The following ARHGAP35 variants were observed in gnomAD, a reference collection of about 807,000 sequenced individuals.
ARHGAP35 encodes Rho GTPase activating protein 35.
A neutral mutation model predicts 111.1 loss-of-function variants in ARHGAP35; 15 were observed. The ratio of observed to expected loss-of-function variants is 0.13; its 90% CI spans 0.09 to 0.21. ARHGAP35 has a LOEUF of 0.21. Among genes scored for constraint, ARHGAP35 ranks in the 10% least tolerant of loss-of-function variants. ARHGAP35 has a pLI of 1.00. For missense variants in ARHGAP35, 1,262 were observed against 1,873.0 expected (o/e 0.67, Z 6.02); for synonymous variants, 643 against 710.3 (o/e 0.91, Z 1.51).
chr19:46,890,315 C>T (rs1039550951), intron 1 of ARHGAP35, among the ~76,000 whole-genome samples: 21 of 152,122 alleles, frequency 1.4e-4, no homozygotes, highest in African/African-American at 4.8e-4. Flanking sequence ...TCTTTTCTGT[C>T]ATTGTTTAGT....
At chr19:46,870,015 C>G (rs557998898) in intron 1 of ARHGAP35, among the ~76,000 whole-genome samples, 8 of 148,014 alleles carry the variant, frequency 5.4e-5, no homozygotes, top group Non-Finnish European at 1.2e-4. Context: ...GGCGCCATCT[C>G]GACTCACTGC....
intron 3 of ARHGAP35, among the ~76,000 whole-genome samples, chr19:46,937,670 G>T (rs190707364): frequency 8.7e-4 from 133 of 152,350 alleles, no homozygotes; most frequent in African/African-American, 3.1e-3. Flanking sequence ...GGCTGCTTGG[G>T]CGCTTTCTCT....
intron 3 of ARHGAP35, among the ~76,000 whole-genome samples, chr19:46,961,698 G>A (rs570224537): frequency 6.6e-6 from 1 of 152,192 alleles, no homozygotes; most frequent in Non-Finnish European, 1.5e-5. Context: ...AGGAGGCCGA[G>A]GCAGGTGGAT....
In ARHGAP35 at chr19:46,989,569, A is replaced by G. The variant is rs2122340653; in HGVS notation, c.3930A>G (p.Lys1310=). The G allele has an allele frequency of 6.2e-7, 1 of 1,613,980 alleles. No individual in the cohort carries two copies. Among genetic ancestry groups the G allele is most frequent in the South Asian group, 1.1e-5 (1 of 91,078 alleles). Residue 1310 remains lysine (K), a synonymous_variant, in exon 5 of 7, where the codon AAA becomes AAG. Transcript: ENST00000672722. This position sits in a 1 kb window ranked among gnomAD's most constrained non-coding sequence, Gnocchi z 5.3. The part of the protein sequence containing the change: ...DQDHNLDLAE[K]DFTVNTVAGA... Reference sequence around the variant, plus strand: ...ACCACAACCTGGACCTGGCAGAGAAAGACTTTACGGTGAATACCGTGGCTG... The same window carrying G: ...ACCACAACCTGGACCTGGCAGAGAAGGACTTTACGGTGAATACCGTGGCTG...
chr19:46,995,605 T>TCTGGAG (rs776947108), intron 5 of ARHGAP35, among the ~76,000 whole-genome samples: 4 of 152,200 alleles, frequency 2.6e-5, no homozygotes, highest in Non-Finnish European at 5.9e-5. Context: ...TCTCTTGGCC[T>TCTGGAG]CTGGAGTGGG....
chr19:46,980,417 T>C (rs911111782), intron 3 of ARHGAP35, among the ~76,000 whole-genome samples: 2 of 152,150 alleles, frequency 1.3e-5, no homozygotes, highest in African/African-American at 2.4e-5. Context: ...TACAGCATCT[T>C]GACAGACTCA....
chr19:46,968,244 C>T (rs2056526310), intron 3 of ARHGAP35, among the ~76,000 whole-genome samples: 1 of 152,234 alleles, frequency 6.6e-6, no homozygotes, highest in Non-Finnish European at 1.5e-5. Flanking sequence ...GTGGCAGTAT[C>T]TGGGCAGGAG....
intron 1 of ARHGAP35, among the ~76,000 whole-genome samples, chr19:46,888,309 TATATATATAA>T (rs1446587231): frequency 1.5e-4 from 9 of 58,192 alleles, no homozygotes; most frequent in African/African-American, 4.2e-4. Flanking sequence ...TATATATATA[TATATATATAA>T]AATATTGATT....
At chr19:46,868,840 T>TA (rs1247749924) in intron 1 of ARHGAP35, among the ~76,000 whole-genome samples, 1 of 146,856 alleles carries the variant, frequency 6.8e-6, no homozygotes, top group African/African-American at 2.5e-5. Context: ...AAAAGAAACA[T>TA]ACAGATAGAA....
intron 2 of ARHGAP35, among the ~76,000 whole-genome samples, chr19:46,936,869 T>C (rs2056311213): frequency 6.7e-6 from 1 of 150,274 alleles, no homozygotes; most frequent in African/African-American, 2.5e-5. Flanking sequence ...TTTTTGAGTC[T>C]TACTCTGTCA....
chr19:46,968,592 G>A (rs2056528056), intron 3 of ARHGAP35, among the ~76,000 whole-genome samples: 1 of 152,226 alleles, frequency 6.6e-6, no homozygotes, highest in South Asian at 2.1e-4. Flanking sequence ...CCACTGATGA[G>A]TGAATGGATA....
intron 3 of ARHGAP35, among the ~76,000 whole-genome samples, chr19:46,958,171 C>T (rs375406539): frequency 1.3e-5 from 2 of 152,294 alleles, no homozygotes; most frequent in African/African-American, 4.8e-5. Context: ...ATCACGAGGT[C>T]AGGAGATCGA....
At chr19:46,912,061 G>A (rs938841871) in intron 1 of ARHGAP35, among the ~76,000 whole-genome samples, 1 of 81,324 alleles carries the variant, frequency 1.2e-5, no homozygotes, top group African/African-American at 4.7e-5. Flanking sequence ...TTTTTTTTTT[G>A]AGACGGAATT....
chr19:46,980,187 C>T (rs574609900), intron 3 of ARHGAP35, among the ~76,000 whole-genome samples: 2 of 152,226 alleles, frequency 1.3e-5, no homozygotes, highest in Admixed American at 6.5e-5. Context: ...GAGTTCAAGA[C>T]CAGCCTGGCC....
At chr19:46,925,275 T>G (rs985452607) in intron 2 of ARHGAP35, among the ~76,000 whole-genome samples, 2 of 152,204 alleles carry the variant, frequency 1.3e-5, no homozygotes, top group East Asian at 3.8e-4. Flanking sequence ...AGTGCAGAGA[T>G]GAGCAAATCC....
chr19:46,962,260 G>T (rs750319498), intron 3 of ARHGAP35, among the ~76,000 whole-genome samples: 3 of 152,238 alleles, frequency 2.0e-5, no homozygotes, highest in Non-Finnish European at 2.9e-5. Context: ...CCCAGGAGTT[G>T]AAGAGATTCC....
In ARHGAP35 at chr19:46,995,641, C is replaced by A. The variant is rs565753585; in HGVS notation, c.4037-3663C>A. On this transcript the variant is annotated intron_variant, in intron 5 of 6. Coordinates refer to ENST00000672722, the MANE Select transcript of ARHGAP35 (RefSeq NM_004491.5). The stretch of plus-strand genomic sequence containing the variant: ...TTTCTCAGCCACCATATGGGTAACG[C>A]CCAGCCCCACCTTCCACTCGGGTCT... 4.6e-5 allele frequency among the ~76,000 whole-genome samples: 7 copies of A among 152,348 alleles called. No individual in the cohort carries two copies. In the East Asian group the frequency reaches 1.3e-3, roughly 29 times the overall value.
intron 3 of ARHGAP35, among the ~76,000 whole-genome samples, chr19:46,937,935 C>T (rs1016595366): frequency 6.6e-6 from 1 of 152,178 alleles, no homozygotes; most frequent in African/African-American, 2.4e-5. Flanking sequence ...TCTGGTTATG[C>T]CGCTCCTCTG....
At chr19:46,948,807 G>C (rs547117360) in intron 3 of ARHGAP35, 14 of 152,342 alleles carry the variant, frequency 9.2e-5, no homozygotes, top group African/African-American at 3.4e-4. Flanking sequence ...AACTTTTGTG[G>C]GTGGTGGAAG....
Sources: allele counts gnomAD v4.1 joint callset (sites outside exome capture counted in the v4.1 genomes callset), GRCh38; gene constraint gnomAD v4.1.1; non-coding constraint Gnocchi (gnomAD v3.1); transcripts MANE v1.5; gene names NCBI Gene and HGNC (gene_info 2026-07-23, HGNC 2026-07-21).